ATP13A1: variants seen among roughly 807,000 people sequenced by gnomAD.
The protein encoded by ATP13A1 is ATPase 13A1.
In ATP13A1, 55 loss-of-function variants were observed where a neutral mutation model predicts 134.8. The ratio of observed to expected loss-of-function variants is 0.41; its 90% CI spans 0.33 to 0.51. ATP13A1 has a LOEUF of 0.51. Among genes scored for constraint, ATP13A1 ranks in the 20% least tolerant of loss-of-function variants. The pLI is 0.29. For missense variants in ATP13A1, 1,389 were observed against 1,652.8 expected, an observed-to-expected ratio of 0.84 and a Z score of 2.77; for synonymous variants, 775 against 725.1, an observed-to-expected ratio of 1.07 and a Z score of -1.10.
At chr19:19,662,366 G>C (rs911668618) in intron 1 of ATP13A1, 1 of 985,170 alleles carries the variant, frequency 1.0e-6, no homozygotes, top group Non-Finnish European at 1.2e-6. Flanking sequence ...CAGCCAGGGT[G>C]GGGGGCTTCT....
Position 19,655,033 on chromosome 19 carries a change from G to C in ATP13A1, c.1655+86C>G, listed in dbSNP as rs1474928155. 6.4e-7 allele frequency: 1 copy of C among 1,559,216 alleles called. No homozygotes were observed. Among genetic ancestry groups the C allele is most frequent in the Admixed American group, 1.9e-5 (1 of 53,854 alleles). Reference sequence around the variant, plus strand: ...GGCCTCTGACGGGCCCTCACTGCAAGGGCTTGGGGTGGATGGGCCACCTGT... The same window carrying C: ...GGCCTCTGACGGGCCCTCACTGCAACGGCTTGGGGTGGATGGGCCACCTGT... On this transcript the variant is annotated intron_variant, in intron 12 of 25. Transcript: ENST00000357324. The surrounding 1 kb of genome is among the most constrained non-coding windows in gnomAD (Gnocchi z 5.7).
In ATP13A1 at chr19:19,656,094, C is replaced by A. The variant is rs759727898; in HGVS notation, c.1173G>T (p.Val391=). ...TGGCTTTCTGTGGGGGGATGTGCTGCACCACCTTGGTGCCCCCGAAGATGA... is the reference window on the plus strand; with the variant it reads ...TGGCTTTCTGTGGGGGGATGTGCTGAACCACCTTGGTGCCCCCGAAGATGA... ...LHVIFGGTKV[V]QHIPPQKATT... is the part of the protein sequence containing the mutation. Residue 391 remains valine (V), a synonymous_variant, in exon 8 of 26, where the codon GTG becomes GTT. Coordinates refer to ENST00000357324, the MANE Select transcript of ATP13A1 (RefSeq NM_020410.3). The surrounding 1 kb of genome is among the most constrained non-coding windows in gnomAD (Gnocchi z 4.6). 6.2e-7 allele frequency: 1 copy of A among 1,613,722 alleles called. No homozygotes were observed. Among genetic ancestry groups the A allele is most frequent in the Non-Finnish European group, 8.5e-7 (1 of 1,179,782 alleles).
At position 19,653,747 on chromosome 19, in the gene ATP13A1, G is replaced by A; in HGVS notation, c.2100+37C>T. 2 of 1,504,822 alleles carry A rather than the reference G, an allele frequency of 1.3e-6. No individual in the cohort carries two copies. The highest frequency in any genetic ancestry group is 1.8e-6 in the Non-Finnish European group (2 of 1,107,010). The allele number at this position is 1,504,822 out of a possible 1,614,324, so 93.2% of individuals were successfully genotyped here. Reference sequence around the variant, plus strand: ...GACTCAGGGAGGAGCTGACGGGCCAGGCACATGGTGAAGGCAGGGGGAGCC... The same window carrying A: ...GACTCAGGGAGGAGCTGACGGGCCAAGCACATGGTGAAGGCAGGGGGAGCC... On this transcript the variant is annotated intron_variant, in intron 15 of 25. Coordinates refer to ENST00000357324, the MANE Select transcript of ATP13A1 (RefSeq NM_020410.3). This position sits in a 1 kb window ranked among gnomAD's most constrained non-coding sequence, Gnocchi z 4.2.
At position 19,651,816 on chromosome 19, in the gene ATP13A1, G is replaced by A. The variant is rs375816329; in HGVS notation, c.2227-19C>T. ...TGACCACCTTGGGTAAAGAGGGGCA[G>A]AGGCTCAGCATGGCACCCTGGGGCC... On this transcript the variant is annotated intron_variant, in intron 16 of 25. Transcript: ENST00000357324. 2.8e-5 allele frequency: 44 copies of A among 1,599,618 alleles called. No homozygotes were observed. In the East Asian group the frequency reaches 5.1e-4, roughly 19 times the overall value.
At chr19:19,659,864 C>A in intron 2 of ATP13A1, 34 bp downstream of exon 2, 1 of 1,590,536 alleles carries the variant, frequency 6.3e-7, no homozygotes, top group Non-Finnish European at 8.6e-7. Context: ...CCTACTCAAG[C>A]CCCTCCTCCA....
At chr19:19,662,159 C>A in intron 1 of ATP13A1, 2 of 1,552,458 alleles carry the variant, frequency 1.3e-6, no homozygotes, top group South Asian at 2.4e-5. Flanking sequence ...AGCTGCAGGT[C>A]AAAAGGCAGC....
At chr19:19,650,107 G>A (rs11668721) in intron 17 of ATP13A1, 167 bp from the exon 18 acceptor site, 89,675 of 635,520 alleles carry the variant, frequency 0.14, 7,360 homozygotes, top group Middle Eastern at 0.27. Flanking sequence ...CACAAAGAAT[G>A]TCCCTCAGGT....
chr19:19,646,080 G>A, intron 23 of ATP13A1, 95 bp from the exon 24 acceptor site: 1 of 1,587,902 alleles, frequency 6.3e-7, no homozygotes, highest in Admixed American at 1.7e-5. Flanking sequence ...CTAGGGCTCT[G>A]CCTGGCCTAG....
intron 3 of ATP13A1, among the ~76,000 whole-genome samples, chr19:19,658,283 G>A (rs1053690563): frequency 1.3e-5 from 2 of 151,904 alleles, no homozygotes; most frequent in African/African-American, 4.8e-5. Flanking sequence ...TTCTCGCTCT[G>A]CCCTTTAACT....
In ATP13A1 at chr19:19,645,957, C is replaced by T; in HGVS notation, c.3277G>A (p.Glu1093Lys). 6.2e-7 allele frequency: 1 copy of T among 1,613,214 alleles called. No individual in the cohort carries two copies. The highest frequency in any genetic ancestry group is 8.5e-7 in the Non-Finnish European group (1 of 1,179,878). The change falls in exon 24 of 26, where the codon GAG becomes AAG. Residue 1093 changes from glutamate (E) to lysine (K), a missense_variant. Physicochemically the swap from Glu to Lys is moderately conservative, Grantham distance 56. Transcript: ENST00000357324. The surrounding 1 kb of genome is among the most constrained non-coding windows in gnomAD (Gnocchi z 4.1). ...CTGTTGACCAGGCTTGGCTCAAACT[C>T]CTTGTACAAGTCCACGAACTGCTCC... ...KQEQFVDLYK[E>K]FEPSLVNSTV...
chr19:19,653,940 C>A lies in ATP13A1; in HGVS notation c.1989+29G>T. On this transcript the variant is annotated intron_variant, in intron 14 of 25. Transcript: ENST00000357324. The surrounding 1 kb of genome is among the most constrained non-coding windows in gnomAD (Gnocchi z 4.2). ...TGTCACGGGCTGCCCCGCGCCCCCACCCCTTGCCCCAGGCTGGGGCCAGCT... is the reference window on the plus strand; with the variant it reads ...TGTCACGGGCTGCCCCGCGCCCCCAACCCTTGCCCCAGGCTGGGGCCAGCT... 1.3e-6 allele frequency: 2 copies of A among 1,578,602 alleles called. No individual in the cohort carries two copies. Among genetic ancestry groups the A allele is most frequent in the Non-Finnish European group, 1.7e-6 (2 of 1,162,932 alleles).
In ATP13A1 at chr19:19,646,127, C is replaced by T. The variant is rs1303210072; in HGVS notation, c.3248+78G>A. On this transcript the variant is annotated intron_variant, in intron 23 of 25. Coordinates refer to ENST00000357324, the MANE Select transcript of ATP13A1 (RefSeq NM_020410.3). ...GGACACCCTGGACAACCCCCAGCCT[C>T]TCCTGCTGAAGTCTGTGGAGTCATC... 10 of 1,604,586 alleles carry T rather than the reference C, an allele frequency of 6.2e-6. No homozygotes were observed. The Admixed American group carries it at 1.0e-4, about 16-fold the overall frequency.
At position 19,655,804 on chromosome 19, in the gene ATP13A1, TG is replaced by T; in HGVS notation, c.1269+73del. ...GAGTCAGCCCGTGGGGCAGATGTTC[TG>T]GGGTCGGAAAGGGCTGATACCTTGG... On this transcript the variant is annotated intron_variant, in intron 9 of 25. Transcript: ENST00000357324. This position sits in a 1 kb window ranked among gnomAD's most constrained non-coding sequence, Gnocchi z 5.7. 1.3e-6 allele frequency: 2 copies of T among 1,538,142 alleles called. No individual in the cohort carries two copies. Among genetic ancestry groups the T allele is most frequent in the Non-Finnish European group, 8.7e-7 (1 of 1,144,574 alleles).
Position 19,654,710 on chromosome 19 carries a change from C to A in ATP13A1, c.1656-10G>T, listed in dbSNP as rs374696467. Reference sequence around the variant, plus strand: ...CACCTCCTTCCCGTCTCTGCAAGGTCGGGGAACAGCTGGTTACAGAGTGCA... The same window carrying A: ...CACCTCCTTCCCGTCTCTGCAAGGTAGGGGAACAGCTGGTTACAGAGTGCA... On this transcript the variant is annotated splice_polypyrimidine_tract_variant and intron_variant, in intron 12 of 25. Transcript: ENST00000357324. 1.2e-6 allele frequency: 2 copies of A among 1,606,740 alleles called. No individual in the cohort carries two copies. The highest frequency in any genetic ancestry group is 1.3e-5 in the African/African-American group (1 of 74,830).
rs770249817 is a variant in ATP13A1 at position 19,645,469 on chromosome 19, C to T, written c.3568G>A (p.Val1190Ile). Residue 1190 changes from valine to isoleucine, a missense_variant, in exon 26 of 26, where the codon GTC becomes ATC. Val to Ile is a conservative substitution (Grantham distance 29). Coordinates refer to ENST00000357324, the MANE Select transcript of ATP13A1 (RefSeq NM_020410.3). This position sits in a 1 kb window ranked among gnomAD's most constrained non-coding sequence, Gnocchi z 4.1. ...DFCLALLADRVLQFFLGTPKL... is the reference protein window; with the variant it reads ...DFCLALLADRILQFFLGTPKL... ...GGGGTCCCCAGGAAGAACTGCAGGA[C>T]GCGGTCGGCCAGGAGCGCCAGGCAG... The T allele has an allele frequency of 1.5e-5, 24 of 1,608,160 alleles. No homozygotes were observed. The highest frequency in any genetic ancestry group is 2.7e-5 in the African/African-American group (2 of 74,840).
chr19:19,647,695 G>C lies in ATP13A1; in HGVS notation c.2697C>G (p.Ser899Arg), dbSNP rs748041982. ...TGATGCCACTGTTGCTCAGGGTTGG[G>C]CTGTCCCGGGGCCGCCGTCGCCGCT... ...VVERRRRPRD[S>R]PTLSNSGIRA... The change falls in exon 20 of 26, where the codon AGC becomes AGG. Residue 899 changes from serine (S) to arginine (R), a missense_variant. Coordinates refer to ENST00000357324, the MANE Select transcript of ATP13A1 (RefSeq NM_020410.3). This position sits in a 1 kb window ranked among gnomAD's most constrained non-coding sequence, Gnocchi z 4.8. 6.2e-7 allele frequency: 1 copy of C among 1,611,478 alleles called. No individual in the cohort carries two copies. The highest frequency in any genetic ancestry group is 8.5e-7 in the Non-Finnish European group (1 of 1,179,694).
In ATP13A1 at chr19:19,652,604, C is replaced by G; in HGVS notation, c.2217G>C (p.Ala739=). 6.2e-7 allele frequency: 1 copy of G among 1,608,332 alleles called. No individual in the cohort carries two copies. Among genetic ancestry groups the G allele is most frequent in the Non-Finnish European group, 8.5e-7 (1 of 1,177,716 alleles). ...GAGCACCGTCCCATACCCGGTGGGA[C>G]GCATTCTGGATCTCCCGGATCACGG... The part of the protein sequence containing the change: ...SKAVIREIQN[A]SHRVVMITGD... Residue 739 remains alanine, a synonymous_variant, in exon 16 of 26, where the codon GCG becomes GCC. Transcript: ENST00000357324.
chr19:19,661,219 A>G (rs2062092603), intron 1 of ATP13A1, among the ~76,000 whole-genome samples: 2 of 152,182 alleles, frequency 1.3e-5, no homozygotes, highest in Non-Finnish European at 1.5e-5. Flanking sequence ...ACATGAACTC[A>G]AATAGGAAGA....
chr19:19,656,070 G>C lies in ATP13A1; in HGVS notation c.1197C>G (p.Ala399=). The part of the protein sequence containing the change: ...KVVQHIPPQK[A]TTGLKPVDSG... Reference sequence around the variant, plus strand: ...GGCACCTACGCTTCAGGCCCGTGGTGGCTTTCTGTGGGGGGATGTGCTGCA... The same window carrying C: ...GGCACCTACGCTTCAGGCCCGTGGTCGCTTTCTGTGGGGGGATGTGCTGCA... Residue 399 remains alanine, a synonymous_variant, in exon 8 of 26, where the codon GCC becomes GCG. Transcript: ENST00000357324. The surrounding 1 kb of genome is among the most constrained non-coding windows in gnomAD (Gnocchi z 4.6). 3 of 1,613,618 alleles carry C rather than the reference G, an allele frequency of 1.9e-6. No individual in the cohort carries two copies. Among genetic ancestry groups the C allele is most frequent in the Non-Finnish European group, 1.7e-6 (2 of 1,179,728 alleles).
Sources: allele counts gnomAD v4.1 joint callset (sites outside exome capture counted in the v4.1 genomes callset), GRCh38; gene constraint gnomAD v4.1.1; non-coding constraint Gnocchi (gnomAD v3.1); transcripts MANE v1.5; gene names NCBI Gene and HGNC (gene_info 2026-07-23, HGNC 2026-07-21).